MAP4: variants seen among roughly 807,000 people sequenced by gnomAD.
The protein encoded by MAP4 is microtubule-associated protein 4.
MAP4 carries 76 observed loss-of-function variants against 170.2 expected under a neutral mutation model. The observed-to-expected ratio is 0.45, with a 90% CI of 0.37 to 0.54. MAP4 has a LOEUF of 0.54. Ranked by LOEUF, MAP4 falls within the 20% of genes least tolerant of loss-of-function variation. The pLI is 0.00. For missense variants in MAP4, 2,506 were observed against 2,748.0 expected (o/e 0.91, Z 1.97); for synonymous variants, 909 against 994.5 (o/e 0.91, Z 1.62).
chr3:48,087,625 C>T (rs2100149784), intron 1 of MAP4, among the ~76,000 whole-genome samples: 1 of 152,106 alleles, frequency 6.6e-6, no homozygotes, highest in African/African-American at 2.4e-5. Flanking sequence ...TGATGCAATG[C>T]CACAACCATC....
intron 1 of MAP4, among the ~76,000 whole-genome samples, chr3:48,065,550 C>A (rs1391379520): frequency 6.6e-6 from 1 of 152,186 alleles, no homozygotes; most frequent in African/African-American, 2.4e-5. Flanking sequence ...CCAATCTAAA[C>A]CAAGCCCCAA....
intron 1 of MAP4, among the ~76,000 whole-genome samples, chr3:48,084,697 T>A (rs1308380495): frequency 6.6e-6 from 1 of 151,774 alleles, no homozygotes; most frequent in Admixed American, 6.6e-5. Context: ...CACCCCAGCC[T>A]CCAGAGTAGC....
At chr3:48,051,243 T>C (rs1474524019) in intron 1 of MAP4, among the ~76,000 whole-genome samples, 1 of 151,868 alleles carries the variant, frequency 6.6e-6, no homozygotes, top group African/African-American at 2.4e-5. Flanking sequence ...CAAAACCCCG[T>C]CTCTACTAAA....
chr3:48,042,380 G>A (rs984208540), intron 1 of MAP4, among the ~76,000 whole-genome samples: 1 of 152,104 alleles, frequency 6.6e-6, no homozygotes, highest in East Asian at 1.9e-4. Flanking sequence ...TAGGAGAAAC[G>A]GAGTTTGTTT....
intron 10 of MAP4, among the ~76,000 whole-genome samples, chr3:47,898,584 C>T (rs1216355318): frequency 6.6e-6 from 1 of 151,898 alleles, no homozygotes; most frequent in Non-Finnish European, 1.5e-5. Flanking sequence ...GGCTTTGTTG[C>T]ACCCCAAATG....
At chr3:47,869,113 G>A (rs1044216166) in intron 16 of MAP4, 101 bp downstream of exon 16, 2 of 902,362 alleles carry the variant, frequency 2.2e-6, no homozygotes, top group African/African-American at 3.3e-5. Flanking sequence ...GTAGAAACTA[G>A]TTAGGGAAAG....
chr3:47,978,664 T>C (rs1345980582), intron 2 of MAP4, among the ~76,000 whole-genome samples: 1 of 151,912 alleles, frequency 6.6e-6, no homozygotes, highest in Non-Finnish European at 1.5e-5. Flanking sequence ...AAATCCAGGG[T>C]ACCATCATTG....
chr3:48,051,387 A>T (rs1479656240), intron 1 of MAP4, among the ~76,000 whole-genome samples: 1 of 152,044 alleles, frequency 6.6e-6, no homozygotes, highest in African/African-American at 2.4e-5. Context: ...TGAAAACAAA[A>T]ACAAAAGAAA....
intron 2 of MAP4, among the ~76,000 whole-genome samples, chr3:47,980,802 C>T (rs939122993): frequency 2.0e-5 from 3 of 152,122 alleles, no homozygotes; most frequent in African/African-American, 4.8e-5. Flanking sequence ...ATTTATTCTT[C>T]CTCGCTCAAG....
At chr3:47,985,119 A>C (rs2100087822) in intron 2 of MAP4, among the ~76,000 whole-genome samples, 1 of 151,910 alleles carries the variant, frequency 6.6e-6, no homozygotes, top group African/African-American at 2.4e-5. Context: ...ATCTCTACCA[A>C]AAATACAAAA....
intron 4 of MAP4, among the ~76,000 whole-genome samples, chr3:47,925,550 TAAAG>T (rs2100045349): frequency 6.6e-6 from 1 of 152,008 alleles, no homozygotes; most frequent in East Asian, 1.9e-4. Context: ...TACGTGTCCA[TAAAG>T]AAAGTACTGA....
chr3:48,045,152 G>C (rs2154542809), intron 1 of MAP4, among the ~76,000 whole-genome samples: 1 of 151,026 alleles, frequency 6.6e-6, no homozygotes, highest in East Asian at 1.9e-4. Flanking sequence ...CAGCTGCTAG[G>C]GAGCCTGAGG....
chr3:48,061,760 C>T (rs1301875937), intron 1 of MAP4, among the ~76,000 whole-genome samples: 273 of 119,868 alleles, frequency 2.3e-3, no homozygotes, highest in Non-Finnish European at 4.0e-3. Context: ...GGGCAGCCCC[C>T]GCCCGGCCAG....
chr3:47,976,624 A>C (rs941729137), intron 3 of MAP4, among the ~76,000 whole-genome samples: 1 of 152,240 alleles, frequency 6.6e-6, no homozygotes, highest in African/African-American at 2.4e-5. Context: ...ACTGCTTTCA[A>C]AGCAGACACA....
chr3:47,953,373 T>C (rs994633415), intron 3 of MAP4, among the ~76,000 whole-genome samples: 1 of 151,768 alleles, frequency 6.6e-6, no homozygotes, highest in Non-Finnish European at 1.5e-5. Context: ...AAATAAAAAA[T>C]TAACCAGGCA....
intron 2 of MAP4, among the ~76,000 whole-genome samples, chr3:47,978,748 CTT>C (rs541932430): frequency 2.2e-5 from 3 of 135,782 alleles, no homozygotes. Flanking sequence ...TTTTTTCCCT[CTT>C]TTTTTTTTTT....
intron 10 of MAP4, chr3:47,891,110 T>C (rs1456772572): frequency 6.5e-7 from 1 of 1,536,342 alleles, no homozygotes; most frequent in Non-Finnish European, 8.7e-7. Flanking sequence ...CAGAGCCGTC[T>C]GTCCTGGCTG....
intron 3 of MAP4, among the ~76,000 whole-genome samples, chr3:47,930,396 G>A (rs2100048928): frequency 6.7e-6 from 1 of 150,294 alleles, no homozygotes; most frequent in Non-Finnish European, 1.5e-5. Context: ...AGTGAGCCGA[G>A]ATTGCGCCAC....
In MAP4 at chr3:47,910,396, T is replaced by G; in HGVS notation, c.4025A>C (p.Glu1342Ala). The change falls in exon 9 of 21, where the codon GAG becomes GCG. Residue 1342 changes from glutamate to alanine, a missense_variant. Around this residue, in one of 3 missense-constraint regions of MAP4, gnomAD observed 2,008 missense variants for 2,206.0 expected, o/e 0.91. Transcript: ENST00000683076. The part of the protein sequence containing the change: ...GAGFVPSVVS[E>A]ENKTDAANRY... ...ATTGGCTGCATCTGTCTTATTCTCCTCAGATACTACTGAAGGAACAAATCC... is the reference window on the plus strand; with the variant it reads ...ATTGGCTGCATCTGTCTTATTCTCCGCAGATACTACTGAAGGAACAAATCC... 6.5e-7 allele frequency: 1 copy of G among 1,536,868 alleles called. No homozygotes were observed. The highest frequency in any genetic ancestry group is 8.7e-7 in the Non-Finnish European group (1 of 1,146,918).
Sources: gnomAD v4.1 joint callset for allele counts (sites outside exome capture counted in the v4.1 genomes callset) on GRCh38, gnomAD v4.1.1 for gene constraint, gnomAD v4.1.1 regional missense constraint, MANE v1.5 for transcripts, NCBI Gene and HGNC (gene_info 2026-07-23, HGNC 2026-07-21) for gene names.